CYREN: variants seen among roughly 807,000 people sequenced by gnomAD.
CYREN encodes cell cycle regulator of non-homologous end joining.
A neutral mutation model predicts 9.7 loss-of-function variants in CYREN; 7 were observed. The observed-to-expected ratio is 0.72, with a 90% CI of 0.41 to 1.36. The LOEUF is 1.36. Ranked by LOEUF, CYREN falls within the 40% of genes most tolerant of loss-of-function variation. CYREN has a pLI of 0.01. For missense variants in CYREN, 215 were observed against 198.1 expected, an observed-to-expected ratio of 1.09 and a Z score of -0.51; for synonymous variants, 76 against 77.9, an observed-to-expected ratio of 0.98 and a Z score of 0.13.
At chr7:135,164,806 T>C (rs778229565), downstream of CYREN, 4 of 1,613,994 alleles carry the variant, frequency 2.5e-6, no homozygotes, top group East Asian at 6.7e-5. Flanking sequence ...TTCCTGGCTG[T>C]GTCCTCTGTG....
At chr7:135,167,912 C>A in intron 2 of CYREN, 105 bp from the exon 3 acceptor site, 1 of 1,557,132 alleles carries the variant, frequency 6.4e-7, no homozygotes, top group South Asian at 1.2e-5. Context: ...TCCTACCACG[C>A]AGGAGGTACC....
At chr7:135,152,247 T>C (rs921751655) in intron 2 of CYREN, among the ~76,000 whole-genome samples, 12 of 152,224 alleles carry the variant, frequency 7.9e-5, no homozygotes, top group African/African-American at 2.7e-4. Context: ...AAGCCATAGC[T>C]TCAAGGTCCA....
chr7:135,161,182 TC>T, downstream of CYREN, among the ~76,000 whole-genome samples: 1 of 152,280 alleles, frequency 6.6e-6, no homozygotes, highest in Admixed American at 6.5e-5. The surrounding 1 kb of genome is among the most constrained non-coding windows in gnomAD (Gnocchi z 4.1). Flanking sequence ...TTTGTTTTGC[TC>T]TACATTAAAA....
rs1410597242 is a variant in CYREN, at chr7:135,096,779, G to GAAAGAAAT, written n.357-2198_357-2197insATTTCTTT. Reference sequence around the variant, plus strand: ...AGAAAGAAAGAAAGAAAGAAAGAAAGAAAGAAAGAAAGAAAAAGGGAAGAA... The same window carrying GAAAGAAAT: ...AGAAAGAAAGAAAGAAAGAAAGAAAGAAAGAAATAAAGAAAGAAAGAAAAAGGGAAGAA... On this transcript the variant is annotated intron_variant and non_coding_transcript_variant, in intron 2 of 2. Transcript: ENST00000459937. Among the ~76,000 whole-genome samples the GAAAGAAAT allele has an allele frequency of 2.7e-5, 4 of 149,376 alleles. No individual in the cohort carries two copies. The East Asian group carries it at 7.9e-4, about 29-fold the overall frequency.
Position 135,120,033 on chromosome 7 carries a change from A to G in CYREN, n.357-25451T>C, listed in dbSNP as rs777883790. Among the ~76,000 whole-genome samples the G allele has an allele frequency of 3.7e-4, 56 of 152,348 alleles. 1 individual carries two copies. Among genetic ancestry groups the G allele is most frequent in the South Asian group, 1.2e-3 (6 of 4,832 alleles). On this transcript the variant is annotated intron_variant and non_coding_transcript_variant, in intron 2 of 2. Coordinates refer to the CYREN transcript ENST00000459937. ...ATTGTCAACTTAGAATCCTATACCC[A>G]GTGAAAATAAGGGAGAAGTCAAGAA...
chr7:135,094,195 T>G, exon 3 of CYREN: 1 of 353,658 alleles, frequency 2.8e-6, no homozygotes, highest in South Asian at 2.2e-5. Context: ...CTTCTCGTTT[T>G]AGCTGCAACA....
chr7:135,101,183 T>C (rs947005613), intron 2 of CYREN: 1 of 456,048 alleles, frequency 2.2e-6, no homozygotes, highest in African/African-American at 2.0e-5. Flanking sequence ...AGGGAACTGA[T>C]TTGTATGGAA....
chr7:135,108,607 C>T (rs1039694185), intron 2 of CYREN, among the ~76,000 whole-genome samples: 4 of 152,118 alleles, frequency 2.6e-5, no homozygotes, highest in Non-Finnish European at 5.9e-5. Flanking sequence ...GTGACCTGCC[C>T]TTTCTCTCTA....
intron 2 of CYREN, chr7:135,115,511 T>G (rs1431217847): frequency 1.3e-6 from 2 of 1,551,366 alleles, no homozygotes; most frequent in Admixed American, 2.0e-5. Flanking sequence ...TCAAGAAATA[T>G]TGCAGTATTT....
At position 135,129,189 on chromosome 7, in the gene CYREN, T is replaced by C. The variant is rs1828374857; in HGVS notation, n.357-34607A>G. ...CTTGGACCTGATGGCAGATGTGGTG[T>C]ACTGCCCCCACGCATGCTGCCAGCT... is the stretch of plus-strand genomic sequence containing the variant. On this transcript the variant is annotated intron_variant and non_coding_transcript_variant, in intron 2 of 2. Coordinates refer to the CYREN transcript ENST00000459937. 3 of 1,423,054 alleles carry C rather than the reference T, an allele frequency of 2.1e-6. No homozygotes were observed. The African/African-American group carries it at 4.2e-5, about 20-fold the overall frequency. The allele number at this position is 1,423,054 out of a possible 1,614,324, so 88.2% of individuals were successfully genotyped here. A position where few individuals can be genotyped will look rare whatever the true frequency, so the allele number is the denominator to read the frequency against.
At chr7:135,141,584 C>G (rs761629035) in intron 2 of CYREN, among the ~76,000 whole-genome samples, 9 of 151,824 alleles carry the variant, frequency 5.9e-5, no homozygotes, top group Non-Finnish European at 1.0e-4. Context: ...TATTTATTTT[C>G]TTCTTCTAGC....
At position 135,128,633 on chromosome 7, in the gene CYREN, G is replaced by T. The variant is rs1228760539; in HGVS notation, n.357-34051C>A. 3.6e-6 allele frequency: 3 copies of T among 844,168 alleles called. No homozygotes were observed. In the Admixed American group the frequency reaches 5.4e-5, roughly 15 times the overall value. 52.3% of individuals were successfully genotyped at this position (844,168 alleles called of 1,614,324 possible). ...AAGAACACCCTGGCAGCGTGATCCC[G>T]TTTGCCTGGATGCAATTTCTTAAGG... is the stretch of plus-strand genomic sequence containing the variant. On this transcript the variant is annotated intron_variant and non_coding_transcript_variant, in intron 2 of 2. Transcript: ENST00000459937.
At chr7:135,132,359 T>C (rs951720618) in intron 2 of CYREN, among the ~76,000 whole-genome samples, 8 of 152,226 alleles carry the variant, frequency 5.3e-5, no homozygotes, top group African/African-American at 1.9e-4. Context: ...GTTAGTTTAA[T>C]ATTCAAAAAG....
intron 2 of CYREN, among the ~76,000 whole-genome samples, chr7:135,128,131 A>C (rs1828152064): frequency 6.6e-6 from 1 of 151,790 alleles, no homozygotes; most frequent in Non-Finnish European, 1.5e-5. Context: ...GTCTCTACTA[A>C]AAATACAAAA....
intron 2 of CYREN, chr7:135,101,056 A>C: frequency 2.6e-6 from 1 of 390,058 alleles, no homozygotes; most frequent in Non-Finnish European, 5.1e-6. Context: ...TGACAATGAA[A>C]TCAGAGGACC....
intron 2 of CYREN, among the ~76,000 whole-genome samples, chr7:135,118,700 T>A (rs1826672187): frequency 6.6e-6 from 1 of 152,220 alleles, no homozygotes; most frequent in African/African-American, 2.4e-5. Flanking sequence ...GAGATGTTAA[T>A]GATGTTAGAA....
chr7:135,130,360 GCT>G (rs1479346555), intron 2 of CYREN, among the ~76,000 whole-genome samples: 1 of 152,088 alleles, frequency 6.6e-6, no homozygotes, highest in African/African-American at 2.4e-5. Flanking sequence ...TGGTGTATAT[GCT>G]CCACTGGTTT....
intron 2 of CYREN, among the ~76,000 whole-genome samples, chr7:135,120,794 G>A (rs915581443): frequency 1.3e-5 from 2 of 152,222 alleles, no homozygotes; most frequent in African/African-American, 4.8e-5. Context: ...AAGTGGCTAT[G>A]TTAATATTAG....
At chr7:135,093,717 A>C (rs991915059) in exon 3 of CYREN, 1 of 152,198 alleles carries the variant, frequency 6.6e-6, no homozygotes, top group African/African-American at 2.4e-5. Context: ...TCCCTATCAA[A>C]ATGTCAGCTA....
Sources: gnomAD v4.1 joint callset for allele counts (sites outside exome capture counted in the v4.1 genomes callset) on GRCh38, gnomAD v4.1.1 for gene constraint, Gnocchi (gnomAD v3.1) non-coding constraint, MANE v1.5 for transcripts, NCBI Gene and HGNC (gene_info 2026-07-23, HGNC 2026-07-21) for gene names.